KCNMA1: variants seen among roughly 807,000 people sequenced by gnomAD.
KCNMA1 encodes the protein Calcium-activated potassium channel subunit alpha-1.
In KCNMA1, 29 loss-of-function variants were observed where a neutral mutation model predicts 140.0. The ratio of observed to expected loss-of-function variants is 0.21; its 90% CI spans 0.15 to 0.28. The LOEUF (loss-of-function observed/expected upper bound fraction) is 0.28. KCNMA1 is among the 10% of genes least tolerant of loss of function. The probability of loss-of-function intolerance (pLI) is 1.00; values close to 1 mark genes in which losing one functional copy is unlikely to be tolerated. For synonymous variants in KCNMA1, 612 were observed against 611.9 expected, an observed-to-expected ratio of 1.00 and a Z score of 0.00; for missense variants, 880 against 1,602.2, an observed-to-expected ratio of 0.55 and a Z score of 7.70.
chr10:77,044,165 A>G (rs1248198101), intron 14 of KCNMA1, among the ~76,000 whole-genome samples: 1 of 152,188 alleles, frequency 6.6e-6, no homozygotes, highest in Non-Finnish European at 1.5e-5. Flanking sequence ...ACCCAGAGTC[A>G]TTACATCATA....
chr10:77,516,282 T>C (rs2050394904), intron 1 of KCNMA1, among the ~76,000 whole-genome samples: 1 of 150,690 alleles, frequency 6.6e-6, no homozygotes, highest in African/African-American at 2.5e-5. Context: ...AACATGGCCC[T>C]TTCCTGAAAT....
chr10:77,491,714 T>TACAC (rs3071912), intron 1 of KCNMA1, among the ~76,000 whole-genome samples: 3,154 of 145,510 alleles, frequency 0.022, 26 homozygotes, highest in Non-Finnish European at 0.029. Flanking sequence ...TTAGAAGTCA[T>TACAC]ACACACACAC....
intron 3 of KCNMA1, among the ~76,000 whole-genome samples, chr10:77,233,932 A>G (rs571665700): frequency 1.3e-5 from 2 of 152,316 alleles, no homozygotes; most frequent in Admixed American, 6.5e-5. Flanking sequence ...CCGAACAGTG[A>G]CAGAATCAGG....
At chr10:77,632,271 G>T (rs1289964517) in intron 1 of KCNMA1, among the ~76,000 whole-genome samples, 11 of 152,138 alleles carry the variant, frequency 7.2e-5, no homozygotes, top group Admixed American at 2.0e-4. Context: ...TGGCCTAGGG[G>T]GTGTCTTGGA....
chr10:77,508,330 A>G (rs891327905), intron 1 of KCNMA1, among the ~76,000 whole-genome samples: 2 of 137,690 alleles, frequency 1.5e-5, no homozygotes, highest in African/African-American at 5.6e-5. Context: ...ACGCATCACC[A>G]TGCCTGGCTA....
At chr10:77,606,772 C>T (rs928941782) in intron 1 of KCNMA1, among the ~76,000 whole-genome samples, 1 of 152,094 alleles carries the variant, frequency 6.6e-6, no homozygotes, top group African/African-American at 2.4e-5. Context: ...TGGAGTATTC[C>T]CTTCCTGCAG....
intron 1 of KCNMA1, among the ~76,000 whole-genome samples, chr10:77,565,711 C>T (rs1228888508): frequency 1.3e-5 from 2 of 152,234 alleles, no homozygotes; most frequent in Non-Finnish European, 2.9e-5. Context: ...TGATCTGGTG[C>T]AGTGCTTAGT....
At chr10:77,031,056 G>A (rs2093901380) in intron 15 of KCNMA1, among the ~76,000 whole-genome samples, 1 of 152,182 alleles carries the variant, frequency 6.6e-6, no homozygotes, top group South Asian at 2.1e-4. Context: ...CCAAACAGAG[G>A]AGAGCAACTA....
At chr10:77,423,640 G>A (rs1014228566) in intron 1 of KCNMA1, among the ~76,000 whole-genome samples, 16 of 152,176 alleles carry the variant, frequency 1.1e-4, no homozygotes, top group African/African-American at 3.6e-4. Context: ...TCAGAGCCAA[G>A]TGAATGCCTT....
chr10:77,614,775 C>A (rs981455254), intron 1 of KCNMA1, among the ~76,000 whole-genome samples: 3 of 152,126 alleles, frequency 2.0e-5, no homozygotes, highest in African/African-American at 7.2e-5. Context: ...AGGAAGGAGC[C>A]CCCTTGTCCA....
intron 1 of KCNMA1, among the ~76,000 whole-genome samples, chr10:77,507,610 CT>C (rs2046627709): frequency 6.6e-6 from 1 of 152,210 alleles, no homozygotes; most frequent in Non-Finnish European, 1.5e-5. Flanking sequence ...TGCCCATTCA[CT>C]GCCCAAGAGA....
chr10:76,937,127 G>C (rs919081808), intron 23 of KCNMA1, among the ~76,000 whole-genome samples: 1 of 152,178 alleles, frequency 6.6e-6, no homozygotes, highest in Non-Finnish European at 1.5e-5. Flanking sequence ...TCAGGGATAG[G>C]AGGCTCGCTG....
intron 15 of KCNMA1, among the ~76,000 whole-genome samples, chr10:77,037,141 C>A (rs1224167547): frequency 2.6e-5 from 4 of 152,188 alleles, no homozygotes; most frequent in African/African-American, 9.6e-5. Context: ...CACAGAGCCA[C>A]TAGTGCCAGC....
intron 18 of KCNMA1, among the ~76,000 whole-genome samples, chr10:77,005,651 A>G (rs1165405448): frequency 6.6e-6 from 1 of 152,192 alleles, no homozygotes. Context: ...TGTGGTTGCT[A>G]AGAATTTGAC....
At chr10:77,025,535 T>G in intron 16 of KCNMA1, 14 of 1,138,624 alleles carry the variant, frequency 1.2e-5, no homozygotes, top group Non-Finnish European at 1.8e-5. Context: ...AAAGAAGGAA[T>G]AAAACCTTTG....
intron 1 of KCNMA1, among the ~76,000 whole-genome samples, chr10:77,563,928 C>T (rs2067251948): frequency 6.6e-6 from 1 of 152,242 alleles, no homozygotes; most frequent in African/African-American, 2.4e-5. Context: ...GGGCTTATCA[C>T]ATTTGTCCCA....
chr10:77,353,632 G>A (rs1670509013), intron 2 of KCNMA1, among the ~76,000 whole-genome samples: 1 of 151,732 alleles, frequency 6.6e-6, no homozygotes, highest in East Asian at 1.9e-4. Context: ...ATTTGTAAAT[G>A]AGTTAAATGA....
chr10:77,237,224 C>T (rs574555003), intron 3 of KCNMA1, among the ~76,000 whole-genome samples: 1 of 152,316 alleles, frequency 6.6e-6, no homozygotes, highest in Non-Finnish European at 1.5e-5. Flanking sequence ...AAGAGCCTTT[C>T]CATGCAGTGT....
chr10:77,154,377 A>T (rs2098459148), intron 5 of KCNMA1, among the ~76,000 whole-genome samples: 1 of 152,214 alleles, frequency 6.6e-6, no homozygotes, highest in Admixed American at 6.5e-5. Flanking sequence ...AGCACAAAAC[A>T]TCCAGCACTG....
Sources: gnomAD v4.1 joint callset for allele counts (sites outside exome capture counted in the v4.1 genomes callset) on GRCh38, gnomAD v4.1.1 for gene constraint, MANE v1.5 for transcripts, NCBI Gene and HGNC (gene_info 2026-07-23, HGNC 2026-07-21) for gene names.